The following DMAC2L variants were observed in gnomAD, a reference collection of about 807,000 sequenced individuals.
The protein encoded by DMAC2L is distal membrane arm assembly component 2 like.
A neutral mutation model predicts 22.5 loss-of-function variants in DMAC2L; 21 were observed. The observed-to-expected ratio is 0.93, with a 90% CI of 0.66 to 1.34. The LOEUF is 1.34. Ranked by LOEUF, DMAC2L falls within the 40% of genes most tolerant of loss-of-function variation. The probability of loss-of-function intolerance (pLI) is 0.00; values close to 1 mark genes in which losing one functional copy is unlikely to be tolerated. For missense variants in DMAC2L, 239 were observed against 246.5 expected (o/e 0.97, Z 0.20); for synonymous variants, 86 against 89.5 (o/e 0.96, Z 0.22).
At chr14:50,324,860 C>T (rs970979323) in intron 5 of DMAC2L, among the ~76,000 whole-genome samples, 2 of 152,166 alleles carry the variant, frequency 1.3e-5, no homozygotes, top group Non-Finnish European at 2.9e-5. Context: ...ACTACAACTT[C>T]CGCTTCCTGG....
Position 50,322,701 on chromosome 14 carries a change from A to G in DMAC2L, c.298A>G (p.Ile100Val). The change falls in exon 4 of 6, where the codon ATT (isoleucine) becomes GTT (valine). Residue 100 changes from isoleucine (I) to valine (V), a missense_variant. Physicochemically the swap from Ile to Val is conservative, Grantham distance 29. Coordinates refer to ENST00000557421, the MANE Select transcript of DMAC2L (RefSeq NM_001382507.1). ...CGCCACCGACTCTTGTATCATGAGC[A>G]TTGGATTTGATCACATGGGTAACTA... is the stretch of plus-strand genomic sequence containing the variant. ...IDATDSCIMS[I>V]GFDHMEGLEH... 2 of 1,614,186 alleles carry G rather than the reference A, an allele frequency of 1.2e-6. No homozygotes were observed. The highest frequency in any genetic ancestry group is 2.2e-5 in the East Asian group (1 of 44,878).
rs1057496981 is a variant in DMAC2L, at chr14:50,327,656, G to C, written c.*1933G>C. On this transcript the variant is annotated 3_prime_UTR_variant, in exon 6 of 6. Coordinates refer to ENST00000557421, the MANE Select transcript of DMAC2L (RefSeq NM_001382507.1). ...ATTTTTGTACTTTTAGTAGAGACAG[G>C]GTTTCACCATCTTGGCCAGACTGGT... The C allele has an allele frequency of 6.6e-6, 1 of 151,730 alleles. No individual in the cohort carries two copies. Among genetic ancestry groups the C allele is most frequent in the Non-Finnish European group, 1.5e-5 (1 of 68,012 alleles). The allele number at this position is 151,730 out of a possible 1,614,324, so 9.4% of individuals were successfully genotyped here. A position where few individuals can be genotyped will look rare whatever the true frequency, so the allele number is the denominator to read the frequency against.
intron 5 of DMAC2L, among the ~76,000 whole-genome samples, chr14:50,325,098 T>TG (rs574983970): frequency 4.3e-4 from 65 of 150,884 alleles, no homozygotes; most frequent in African/African-American, 1.6e-3. Context: ...ATCAAATCCC[T>TG]GTGTTAGAGA....
At chr14:50,316,062 C>T (rs1458746605) in intron 2 of DMAC2L, among the ~76,000 whole-genome samples, 1 of 152,146 alleles carries the variant, frequency 6.6e-6, no homozygotes, top group Admixed American at 6.5e-5. Flanking sequence ...ATATCCACGC[C>T]AACATCTATT....
intron 1 of DMAC2L, chr14:50,312,963 G>C (rs1198770479): frequency 6.2e-6 from 10 of 1,610,702 alleles, no homozygotes; most frequent in Middle Eastern, 1.7e-4. Flanking sequence ...CTCGGTTTTT[G>C]CCACCATTTA....
At chr14:50,318,529 G>A (rs561584133) in intron 2 of DMAC2L, among the ~76,000 whole-genome samples, 1 of 152,246 alleles carries the variant, frequency 6.6e-6, no homozygotes, top group Non-Finnish European at 1.5e-5. Flanking sequence ...AGTTTAACTG[G>A]TTTTACCTTT....
rs2032518339 is a variant in DMAC2L, at chr14:50,324,196, G to T, written c.488+80G>T. On this transcript the variant is annotated intron_variant, in intron 5 of 5. Transcript: ENST00000557421. ...AGAATTTAATTGACTGTGAGGGGTG[G>T]TGTCTTTTTTTAGTTCTAAAAAAGA... 3.6e-6 allele frequency: 5 copies of T among 1,401,712 alleles called. No individual in the cohort carries two copies. In the Middle Eastern group the frequency reaches 7.6e-4, roughly 213 times the overall value. The allele number at this position is 1,401,712 out of a possible 1,614,324, so 86.8% of individuals were successfully genotyped here.
chr14:50,312,115 G>A (rs546802749), upstream of DMAC2L: 25 of 1,609,586 alleles, frequency 1.6e-5, no homozygotes, highest in African/African-American at 3.2e-4. Context: ...GGGCCCGTCC[G>A]CAGGCACCAA....
At chr14:50,314,833 G>A (rs1196466069) in intron 2 of DMAC2L, among the ~76,000 whole-genome samples, 13 of 151,846 alleles carry the variant, frequency 8.6e-5, no homozygotes, top group African/African-American at 2.2e-4. Context: ...GTAGAGATGC[G>A]GTTTCGCCAT....
chr14:50,318,192 C>G (rs1301402290), intron 2 of DMAC2L, among the ~76,000 whole-genome samples: 1 of 152,132 alleles, frequency 6.6e-6, no homozygotes, highest in Non-Finnish European at 1.5e-5. Flanking sequence ...GAGCTAGATT[C>G]ACTAACTTCC....
intron 3 of DMAC2L, 90 bp downstream of exon 3, chr14:50,321,684 C>A: frequency 4.4e-6 from 4 of 902,292 alleles, no homozygotes; most frequent in Non-Finnish European, 7.0e-6. Flanking sequence ...CTCATATTTA[C>A]AGTTTGTGCA....
chr14:50,321,345 GA>G, intron 2 of DMAC2L, 137 bp from the exon 3 acceptor site: 1 of 1,376,282 alleles, frequency 7.3e-7, no homozygotes, highest in Non-Finnish European at 9.4e-7. Context: ...CAAGAAACAG[GA>G]GTGACTTGCT....
intron 3 of DMAC2L, 150 bp from the exon 4 acceptor site, chr14:50,322,361 T>G (rs1595211316): frequency 6.1e-6 from 1 of 164,044 alleles, no homozygotes. Flanking sequence ...TTTGTTTTTG[T>G]TTTTTTTGCA....
intron 2 of DMAC2L, among the ~76,000 whole-genome samples, chr14:50,315,090 C>G (rs922786108): frequency 2.0e-5 from 3 of 152,054 alleles, no homozygotes; most frequent in African/African-American, 7.2e-5. Context: ...CTTCAGCCTC[C>G]TGAGTAGCTG....
chr14:50,322,620 G>T lies in DMAC2L; in HGVS notation c.217G>T (p.Asp73Tyr), dbSNP rs202137865. ...RYHGQERWQK[D>Y]YNHLPTGPLD... Reference sequence around the variant, plus strand: ...CCATGGCCAGGAGAGGTGGCAGAAGGACTACAACCACCTTCCAACAGGCCC... The same window carrying T: ...CCATGGCCAGGAGAGGTGGCAGAAGTACTACAACCACCTTCCAACAGGCCC... The change falls in exon 4 of 6, where the codon GAC becomes TAC. Residue 73 changes from aspartate to tyrosine, a missense_variant. Asp to Tyr is a radical substitution (Grantham distance 160). Coordinates refer to ENST00000557421, the MANE Select transcript of DMAC2L (RefSeq NM_001382507.1). 2 of 1,614,156 alleles carry T rather than the reference G, an allele frequency of 1.2e-6. No individual in the cohort carries two copies. The highest frequency in any genetic ancestry group is 1.7e-6 in the Non-Finnish European group (2 of 1,180,038).
chr14:50,315,936 G>T (rs1266272162), intron 2 of DMAC2L, among the ~76,000 whole-genome samples: 2 of 152,146 alleles, frequency 1.3e-5, no homozygotes, highest in Admixed American at 1.3e-4. Context: ...TAGTGGAATT[G>T]CTCGATCAAA....
intron 1 of DMAC2L, 125 bp from the exon 2 acceptor site, chr14:50,314,466 A>G (rs964536056): frequency 1.1e-5 from 5 of 449,026 alleles, no homozygotes; most frequent in African/African-American, 1.0e-4. Context: ...GACTAATACA[A>G]GTACATTCAA....
At chr14:50,314,776 G>A (rs2031618930) in intron 2 of DMAC2L, 150 bp downstream of exon 2, 1 of 375,826 alleles carries the variant, frequency 2.7e-6, no homozygotes, top group East Asian at 7.2e-5. Flanking sequence ...TGAGTAGCTG[G>A]GACTATAGGC....
chr14:50,326,631 A>G lies in DMAC2L; in HGVS notation c.*908A>G, dbSNP rs2032715485. 1 of 985,464 alleles carries G rather than the reference A, an allele frequency of 1.0e-6. No homozygotes were observed. Among genetic ancestry groups the G allele is most frequent in the Non-Finnish European group, 1.2e-6 (1 of 829,924 alleles). 61.0% of individuals were successfully genotyped at this position (985,464 alleles called of 1,614,324 possible). On this transcript the variant is annotated 3_prime_UTR_variant, in exon 6 of 6. Transcript: ENST00000557421. ...GTCTATTTTGTAAGCTTAGGCTACT[A>G]TTTTATTAAAACTGGACATAGATAC...
Sources: allele counts gnomAD v4.1 joint callset (sites outside exome capture counted in the v4.1 genomes callset), GRCh38; gene constraint gnomAD v4.1.1; transcripts MANE v1.5; gene names NCBI Gene and HGNC (gene_info 2026-07-23, HGNC 2026-07-21).